The following SPIDR variants were observed in gnomAD, a reference collection of about 807,000 sequenced individuals.
The protein encoded by SPIDR is scaffold protein involved in DNA repair, also known as DNA repair-scaffolding protein.
SPIDR carries 93 observed loss-of-function variants against 104.6 expected under a neutral mutation model. The ratio of observed to expected loss-of-function variants is 0.89; its 90% CI spans 0.75 to 1.06. The LOEUF (loss-of-function observed/expected upper bound fraction) is 1.06, where lower values mean the gene tolerates loss of function less well. Among genes scored for constraint, SPIDR ranks in the 50% least tolerant of loss-of-function variants. The pLI is 0.00. For missense variants in SPIDR, 1,154 were observed against 1,111.2 expected, an observed-to-expected ratio of 1.04 and a Z score of -0.55; for synonymous variants, 431 against 416.9, an observed-to-expected ratio of 1.03 and a Z score of -0.41.
In SPIDR at chr8:47,513,534, G is replaced by A. The variant is rs144847485; in HGVS notation, c.1097+72992G>A. Among the ~76,000 whole-genome samples the A allele has an allele frequency of 4.7e-3, 721 of 152,304 alleles. 4 individuals are homozygous for A. The highest frequency in any genetic ancestry group is 8.7e-3 in the Non-Finnish European group (593 of 68,028). On this transcript the variant is annotated intron_variant, in intron 8 of 19. Coordinates refer to ENST00000297423, the MANE Select transcript of SPIDR (RefSeq NM_001080394.4). ...TTAACAACAGTTCTCCAGTTTAGGT[G>A]AAATCTGTTTGAATACTTCCTGTTA...
intron 5 of SPIDR, among the ~76,000 whole-genome samples, chr8:47,338,451 A>G (rs1313264568): frequency 1.3e-5 from 2 of 152,250 alleles, no homozygotes; most frequent in South Asian, 2.1e-4. Context: ...CATTAAATAA[A>G]TGGCATTAAT....
At chr8:47,353,946 T>G (rs2054028788) in intron 5 of SPIDR, among the ~76,000 whole-genome samples, 2 of 152,100 alleles carry the variant, frequency 1.3e-5, no homozygotes, top group South Asian at 4.1e-4. Context: ...AATACTTTTG[T>G]TTTTTTCAGG....
chr8:47,451,067 C>G (rs116633507), intron 8 of SPIDR, among the ~76,000 whole-genome samples: 3 of 152,112 alleles, frequency 2.0e-5, no homozygotes, highest in African/African-American at 7.2e-5. Flanking sequence ...TTTTACATAG[C>G]CATCCTTGAG....
chr8:47,480,076 C>A (rs2076725656), intron 8 of SPIDR, among the ~76,000 whole-genome samples: 1 of 152,036 alleles, frequency 6.6e-6, no homozygotes, highest in African/African-American at 2.4e-5. Flanking sequence ...CCTATTTTAC[C>A]AGTATTTTCC....
chr8:47,481,946 A>G (rs1338658847), intron 8 of SPIDR, among the ~76,000 whole-genome samples: 1 of 152,220 alleles, frequency 6.6e-6, no homozygotes, highest in Non-Finnish European at 1.5e-5. Context: ...TTTAATGTAG[A>G]CTAAAGCCAA....
At chr8:47,467,962 A>G (rs1480097851) in intron 8 of SPIDR, among the ~76,000 whole-genome samples, 6 of 152,172 alleles carry the variant, frequency 3.9e-5, no homozygotes, top group Non-Finnish European at 8.8e-5. Context: ...AAAACCCCAT[A>G]GTCTTGGGCC....
In SPIDR at chr8:47,713,505, T is replaced by C. The variant is rs752304079; in HGVS notation, c.2205T>C (p.Ala735=). ...ALRDQGRIVC[A]ERTVLLLQKP... Reference sequence around the variant, plus strand: ...TGTCGGCAGGTCGGATTGTTTGTGCTGAACGAACTGTCCTCTTGCTTCAGA... The same window carrying C: ...TGTCGGCAGGTCGGATTGTTTGTGCCGAACGAACTGTCCTCTTGCTTCAGA... The change falls in exon 16 of 20, where the codon GCT becomes GCC. Residue 735 remains alanine (A), a synonymous_variant. Coordinates refer to ENST00000297423, the MANE Select transcript of SPIDR (RefSeq NM_001080394.4). 2.5e-6 allele frequency: 4 copies of C among 1,614,196 alleles called. No homozygotes were observed. The highest frequency in any genetic ancestry group is 2.5e-6 in the Non-Finnish European group (3 of 1,180,028).
At chr8:47,426,996 GA>G (rs1409935980) in intron 7 of SPIDR, among the ~76,000 whole-genome samples, 3 of 152,112 alleles carry the variant, frequency 2.0e-5, no homozygotes, top group Non-Finnish European at 2.9e-5. Context: ...CAAAGCCTAA[GA>G]GAATAAAGTA....
chr8:47,270,126 T>C (rs2034989367), intron 1 of SPIDR, among the ~76,000 whole-genome samples: 1 of 152,230 alleles, frequency 6.6e-6, no homozygotes, highest in Non-Finnish European at 1.5e-5. Context: ...TGTTATGTTT[T>C]GGTTTTATCA....
intron 8 of SPIDR, among the ~76,000 whole-genome samples, chr8:47,588,176 G>A (rs2060531275): frequency 6.9e-6 from 1 of 145,504 alleles, no homozygotes; most frequent in Non-Finnish European, 1.5e-5. Flanking sequence ...CTTGATTTTG[G>A]CATCTTTATG....
At chr8:47,446,825 TCCAC>T (rs1276095400) in intron 8 of SPIDR, among the ~76,000 whole-genome samples, 1 of 152,160 alleles carries the variant, frequency 6.6e-6, no homozygotes, top group Admixed American at 6.5e-5. Context: ...GACCTCGTGA[TCCAC>T]CCACTTCGGC....
chr8:47,355,895 TGGCTCTTTTGCAGTTGTTA>T (rs2054442076), intron 5 of SPIDR, among the ~76,000 whole-genome samples: 1 of 152,218 alleles, frequency 6.6e-6, no homozygotes, highest in South Asian at 2.1e-4. Context: ...TTCCCCGTGG[TGGCTCTTTTGCAGTTGTTA>T]GTCAAGAGCT....
At chr8:47,683,956 C>G (rs2077415733) in intron 11 of SPIDR, among the ~76,000 whole-genome samples, 1 of 151,684 alleles carries the variant, frequency 6.6e-6, no homozygotes, top group Non-Finnish European at 1.5e-5. Flanking sequence ...GAAACCCCGT[C>G]TATACTAAAA....
chr8:47,498,317 T>A (rs2079785300), intron 8 of SPIDR, among the ~76,000 whole-genome samples: 2 of 152,196 alleles, frequency 1.3e-5, no homozygotes, highest in Non-Finnish European at 2.9e-5. Flanking sequence ...ACGTTCCATC[T>A]TGAATAACTG....
At chr8:47,355,236 G>A (rs922209389) in intron 5 of SPIDR, among the ~76,000 whole-genome samples, 1 of 146,328 alleles carries the variant, frequency 6.8e-6, no homozygotes, top group Admixed American at 6.7e-5. Flanking sequence ...GATTACAGGC[G>A]TGAGCCACCA....
At chr8:47,415,879 C>A (rs1006375840) in intron 7 of SPIDR, among the ~76,000 whole-genome samples, 17 of 152,200 alleles carry the variant, frequency 1.1e-4, no homozygotes, top group African/African-American at 3.6e-4. Flanking sequence ...GATTCTCATG[C>A]CACCCTTTAT....
At chr8:47,584,849 G>A (rs1457164351) in intron 8 of SPIDR, among the ~76,000 whole-genome samples, 2 of 152,114 alleles carry the variant, frequency 1.3e-5, no homozygotes, top group African/African-American at 4.8e-5. Flanking sequence ...TTATTCTCCT[G>A]TGGCTTTCTC....
intron 5 of SPIDR, among the ~76,000 whole-genome samples, chr8:47,359,162 C>T (rs1587652570): frequency 2.0e-5 from 3 of 150,466 alleles, no homozygotes; most frequent in African/African-American, 7.3e-5. Context: ...AGGAGAATGG[C>T]GTGAACCCGG....
At chr8:47,421,843 G>A (rs1175398634) in intron 7 of SPIDR, among the ~76,000 whole-genome samples, 4 of 152,228 alleles carry the variant, frequency 2.6e-5, no homozygotes, top group African/African-American at 4.8e-5. Flanking sequence ...AGGACCCTCA[G>A]CTGCAGGTCT....
Sources: gnomAD v4.1 joint callset for allele counts (sites outside exome capture counted in the v4.1 genomes callset) on GRCh38, gnomAD v4.1.1 for gene constraint, MANE v1.5 for transcripts, NCBI Gene and HGNC (gene_info 2026-07-23, HGNC 2026-07-21) for gene names.